Variants in THSD7A observed in about 807,000 individuals in gnomAD.
THSD7A encodes the protein thrombospondin type 1 domain containing 7A.
In THSD7A, 96 loss-of-function variants were observed where a neutral mutation model predicts 231.3. The ratio of observed to expected loss-of-function variants is 0.41; its 90% CI spans 0.35 to 0.49. THSD7A has a LOEUF of 0.49. Among genes scored for constraint, THSD7A ranks in the 20% least tolerant of loss-of-function variants. The pLI is 0.05. For synonymous variants in THSD7A, 940 were observed against 743.3 expected (o/e 1.26, Z -4.30); for missense variants, 2,290 against 2,070.2 (o/e 1.11, Z -2.06).
intron 17 of THSD7A, among the ~76,000 whole-genome samples, chr7:11,413,566 A>T (rs1349976424): frequency 2.0e-5 from 3 of 152,198 alleles, no homozygotes; most frequent in Admixed American, 2.0e-4. Context: ...TCTCTTAGTT[A>T]TTCCTGGGTT....
At chr7:11,777,849 T>G (rs7786837) in intron 1 of THSD7A, among the ~76,000 whole-genome samples, 1 of 151,998 alleles carries the variant, frequency 6.6e-6, no homozygotes, top group Non-Finnish European at 1.5e-5. Flanking sequence ...TGTACCTGCT[T>G]CTACAGAAAG....
At chr7:11,537,950 G>A (rs1196285631) in intron 6 of THSD7A, among the ~76,000 whole-genome samples, 2 of 152,184 alleles carry the variant, frequency 1.3e-5, no homozygotes, top group Non-Finnish European at 2.9e-5. Context: ...TTGGATAGCA[G>A]AGTTACTCCC....
chr7:11,630,600 GT>G (rs1781617123), intron 2 of THSD7A, among the ~76,000 whole-genome samples: 1 of 152,100 alleles, frequency 6.6e-6, no homozygotes, highest in Non-Finnish European at 1.5e-5. Flanking sequence ...ACAGAAATCT[GT>G]TTAAAATCCT....
In THSD7A at chr7:11,406,623, A is replaced by AT. The variant is rs1783591689; in HGVS notation, c.4063-150_4063-149insA. The AT allele has an allele frequency of 1.1e-6, 1 of 884,996 alleles. No homozygotes were observed. Among genetic ancestry groups the AT allele is most frequent in the East Asian group, 2.7e-5 (1 of 37,190 alleles). 54.8% of individuals were successfully genotyped at this position (884,996 alleles called of 1,614,324 possible). On this transcript the variant is annotated intron_variant, in intron 21 of 27. Coordinates refer to ENST00000423059, the MANE Select transcript of THSD7A (RefSeq NM_015204.3). This position sits in a 1 kb window ranked among gnomAD's most constrained non-coding sequence, Gnocchi z 4.7. ...TAGGGAAGAAGCCCTATAGGGCACT[A>AT]GCAATAAAGCATACATTGAACAATT... is the stretch of plus-strand genomic sequence containing the variant.
chr7:11,525,218 A>T (rs1788421103), intron 6 of THSD7A, among the ~76,000 whole-genome samples: 1 of 152,164 alleles, frequency 6.6e-6, no homozygotes, highest in African/African-American at 2.4e-5. Context: ...CCCTAACTGC[A>T]ATCAATAGAT....
chr7:11,790,158 G>A (rs769362155), intron 1 of THSD7A, among the ~76,000 whole-genome samples: 4 of 151,922 alleles, frequency 2.6e-5, no homozygotes, highest in Non-Finnish European at 5.9e-5. Flanking sequence ...CATTATTGAA[G>A]CTGAAAGTGT....
chr7:11,782,534 A>C (rs1783666788), intron 1 of THSD7A, among the ~76,000 whole-genome samples: 1 of 152,324 alleles, frequency 6.6e-6, no homozygotes, highest in Middle Eastern at 3.4e-3. Context: ...CCTAGGAATG[A>C]CAGAAATTGT....
At chr7:11,392,391 C>T (rs570723180) in intron 23 of THSD7A, among the ~76,000 whole-genome samples, 3 of 152,222 alleles carry the variant, frequency 2.0e-5, no homozygotes, top group Admixed American at 2.0e-4. Context: ...CCCACTAGAC[C>T]AGGAGATTCC....
chr7:11,783,387 C>G (rs574230158), intron 1 of THSD7A, among the ~76,000 whole-genome samples: 2 of 151,150 alleles, frequency 1.3e-5, no homozygotes, highest in Admixed American at 6.6e-5. Flanking sequence ...TGTAGATACT[C>G]AAAGTATGGT....
At chr7:11,502,711 C>CCA (rs796628354) in intron 6 of THSD7A, among the ~76,000 whole-genome samples, 40 of 152,042 alleles carry the variant, frequency 2.6e-4, no homozygotes, top group African/African-American at 8.4e-4. Context: ...TTCACAATTG[C>CCA]CACACACACA....
chr7:11,376,882 T>C, intron 26 of THSD7A: 1 of 360,382 alleles, frequency 2.8e-6, no homozygotes, highest in Non-Finnish European at 5.0e-6. Context: ...AAATTATAAA[T>C]GTTTGACTTC....
At chr7:11,602,826 A>T (rs1780596786) in intron 2 of THSD7A, among the ~76,000 whole-genome samples, 1 of 151,588 alleles carries the variant, frequency 6.6e-6, no homozygotes, top group Non-Finnish European at 1.5e-5. Flanking sequence ...TTATTACAAT[A>T]CAAGATTGAA....
intron 1 of THSD7A, among the ~76,000 whole-genome samples, chr7:11,722,341 T>C (rs888857244): frequency 2.0e-5 from 3 of 151,904 alleles, no homozygotes; most frequent in Non-Finnish European, 4.4e-5. Context: ...CTTTCTATAA[T>C]CATTTACTGT....
intron 2 of THSD7A, among the ~76,000 whole-genome samples, chr7:11,597,464 C>G (rs76498913): frequency 6.6e-6 from 1 of 152,070 alleles, no homozygotes; most frequent in Non-Finnish European, 1.5e-5. Context: ...GCTGCTCTGC[C>G]ACTTAGGCCA....
intron 13 of THSD7A, among the ~76,000 whole-genome samples, chr7:11,431,766 T>TTGA (rs1171720880): frequency 5.9e-5 from 9 of 152,170 alleles, no homozygotes; most frequent in African/African-American, 2.2e-4. Context: ...GTCAAATTTG[T>TTGA]TGATCAACTT....
At chr7:11,563,042 G>A (rs996235391) in intron 4 of THSD7A, among the ~76,000 whole-genome samples, 1 of 152,158 alleles carries the variant, frequency 6.6e-6, no homozygotes, top group Non-Finnish European at 1.5e-5. Context: ...AATAAAGAAA[G>A]CTTTTATCCT....
intron 1 of THSD7A, among the ~76,000 whole-genome samples, chr7:11,774,347 G>A (rs560823657): frequency 6.6e-6 from 1 of 152,252 alleles, no homozygotes; most frequent in African/African-American, 2.4e-5. Context: ...AGGAATAAAT[G>A]GGGAGCTGGT....
chr7:11,708,395 G>A (rs946011599), intron 1 of THSD7A, among the ~76,000 whole-genome samples: 2 of 150,638 alleles, frequency 1.3e-5, no homozygotes, highest in African/African-American at 4.9e-5. Context: ...TCAATGAGTA[G>A]AAAGCATAAT....
At chr7:11,516,748 A>C (rs1199735430) in intron 6 of THSD7A, among the ~76,000 whole-genome samples, 5 of 152,240 alleles carry the variant, frequency 3.3e-5, no homozygotes, top group Admixed American at 6.5e-5. Context: ...ATAAAATGTT[A>C]TTTGAAAATA....
Sources: allele counts gnomAD v4.1 joint callset (sites outside exome capture counted in the v4.1 genomes callset), GRCh38; gene constraint gnomAD v4.1.1; non-coding constraint Gnocchi (gnomAD v3.1); transcripts MANE v1.5; gene names NCBI Gene and HGNC (gene_info 2026-07-23, HGNC 2026-07-21).